SPG21: variants seen among roughly 807,000 people sequenced by gnomAD.
SPG21 encodes SPG21 abhydrolase domain containing, maspardin.
Under a neutral mutation model 38.9 loss-of-function variants are expected in SPG21, and 26 were observed. The ratio of observed to expected loss-of-function variants is 0.67; its 90% CI spans 0.49 to 0.93. SPG21 has a LOEUF of 0.93. Among genes scored for constraint, SPG21 ranks in the 40% least tolerant of loss-of-function variants. SPG21 has a pLI of 0.00. For synonymous variants in SPG21, 136 were observed against 128.9 expected (o/e 1.05, Z -0.37); for missense variants, 333 against 376.5 (o/e 0.88, Z 0.96).
At chr15:64,978,750 T>C (rs950495198) in intron 3 of SPG21, among the ~76,000 whole-genome samples, 6 of 152,296 alleles carry the variant, frequency 3.9e-5, no homozygotes, top group African/African-American at 1.4e-4. Flanking sequence ...CTTTAATTTA[T>C]AAATATCCAT....
At chr15:64,973,264 G>GGGCTTTATTTTAATAAA (rs2085707524) in intron 5 of SPG21, among the ~76,000 whole-genome samples, 4 of 152,056 alleles carry the variant, frequency 2.6e-5, no homozygotes, top group Non-Finnish European at 5.9e-5. Context: ...CATCACACCT[G>GGGCTTTATTTTAATAAA]GCCACTGGGC....
At chr15:64,988,272 C>A (rs1487146092) in intron 1 of SPG21, among the ~76,000 whole-genome samples, 1 of 152,058 alleles carries the variant, frequency 6.6e-6, no homozygotes, top group Non-Finnish European at 1.5e-5. Context: ...GTGACTATGC[C>A]CCTATCCCTC....
At chr15:64,977,885 C>T (rs932972011) in intron 3 of SPG21, among the ~76,000 whole-genome samples, 56 of 152,126 alleles carry the variant, frequency 3.7e-4, no homozygotes, top group African/African-American at 1.3e-3. Context: ...TGCAGTGGCG[C>T]GATCTCGGCT....
chr15:64,973,842 T>C (rs1409086751), intron 5 of SPG21, among the ~76,000 whole-genome samples: 5 of 152,328 alleles, frequency 3.3e-5, no homozygotes, highest in South Asian at 2.1e-4. Flanking sequence ...GCTCTATTCT[T>C]TCCATTTGGA....
At chr15:64,968,968 T>C (rs1228554835) in intron 7 of SPG21, among the ~76,000 whole-genome samples, 1 of 152,152 alleles carries the variant, frequency 6.6e-6, no homozygotes, top group Non-Finnish European at 1.5e-5. Flanking sequence ...TCCTGAACTC[T>C]TGGACTCAAG....
intron 1 of SPG21, chr15:64,987,219 T>C (rs982999737): frequency 6.6e-6 from 1 of 152,220 alleles, no homozygotes; most frequent in African/African-American, 2.4e-5. Context: ...GCCAACGTGT[T>C]AAAAGTAATC....
intron 4 of SPG21, among the ~76,000 whole-genome samples, chr15:64,976,046 G>A (rs2085765986): frequency 6.6e-6 from 1 of 152,266 alleles, no homozygotes; most frequent in African/African-American, 2.4e-5. Flanking sequence ...ACATACCTGG[G>A]AGTATACTGA....
chr15:64,980,327 G>A (rs1296604075), intron 3 of SPG21, among the ~76,000 whole-genome samples: 1 of 152,192 alleles, frequency 6.6e-6, no homozygotes, highest in Non-Finnish European at 1.5e-5. Flanking sequence ...GCATGGAGAG[G>A]CTGCCAAAAG....
intron 3 of SPG21, among the ~76,000 whole-genome samples, chr15:64,977,896 C>T (rs555655186): frequency 7.2e-5 from 11 of 152,180 alleles, no homozygotes; most frequent in African/African-American, 2.6e-4. Context: ...GATCTCGGCT[C>T]ACTGCAACCT....
chr15:64,972,157 T>C (rs1356504391), intron 5 of SPG21, among the ~76,000 whole-genome samples: 1 of 152,200 alleles, frequency 6.6e-6, no homozygotes, highest in Non-Finnish European at 1.5e-5. Flanking sequence ...AAGTTGAGCT[T>C]CCCTCAAAAG....
chr15:64,983,148 C>T (rs188177534), intron 2 of SPG21: 1 of 279,050 alleles, frequency 3.6e-6, no homozygotes, highest in South Asian at 2.9e-5. Flanking sequence ...ATCCTAGCTA[C>T]TTGGCAGGTT....
At chr15:64,984,583 G>A (rs1208230069) in intron 1 of SPG21, among the ~76,000 whole-genome samples, 1 of 152,010 alleles carries the variant, frequency 6.6e-6, no homozygotes, top group East Asian at 1.9e-4. Flanking sequence ...GAATTCCTAG[G>A]CTCAAGCAAT....
At chr15:64,976,230 G>C (rs1406655942) in intron 4 of SPG21, among the ~76,000 whole-genome samples, 1 of 152,094 alleles carries the variant, frequency 6.6e-6, no homozygotes, top group Non-Finnish European at 1.5e-5. Flanking sequence ...TTTGAGAGCA[G>C]CCTGGCCAAC....
At chr15:64,964,625 CTTTCT>C (rs375675954) in intron 8 of SPG21, among the ~76,000 whole-genome samples, 2,537 of 149,616 alleles carry the variant, frequency 0.017, 29 homozygotes, top group Admixed American at 0.024. Flanking sequence ...TTTGTTAGGG[CTTTCT>C]TTTCTTTTCT....
Position 64,976,548 on chromosome 15 carries a change from T to C in SPG21, c.233A>G (p.Tyr78Cys), listed in dbSNP as rs2085778287. Residue 78 changes from tyrosine to cysteine, a missense_variant, in exon 4 of 9, where the codon TAT (tyrosine) becomes TGT (cysteine). Coordinates refer to ENST00000204566, the MANE Select transcript of SPG21 (RefSeq NM_016630.7). ...GWGYRVIALQ[Y>C]PVYWDHLEFC... ...CTCGAGATGGTCCCAATAAACTGGATACTGCAACTGAAATAATAACGATAA... is the reference window on the plus strand; with the variant it reads ...CTCGAGATGGTCCCAATAAACTGGACACTGCAACTGAAATAATAACGATAA... 3 of 1,608,722 alleles carry C rather than the reference T, an allele frequency of 1.9e-6. No individual in the cohort carries two copies. The highest frequency in any genetic ancestry group is 1.7e-5 in the Admixed American group (1 of 59,934).
chr15:64,965,859 G>A (rs909993238), intron 7 of SPG21, among the ~76,000 whole-genome samples: 14 of 151,780 alleles, frequency 9.2e-5, no homozygotes, highest in African/African-American at 3.1e-4. Flanking sequence ...GCGCCATCAC[G>A]CCTGGCTAAT....
rs574425926 is a variant in SPG21 at position 64,976,431 on chromosome 15, TA to T, written c.306+43del. 1.7e-3 allele frequency: 2,236 copies of T among 1,339,628 alleles called. 2 individuals carry two copies. The highest frequency in any genetic ancestry group is 0.014 in the Middle Eastern group (73 of 5,302). 83.0% of individuals were successfully genotyped at this position (1,339,628 alleles called of 1,614,324 possible). A position where few individuals can be genotyped will look rare whatever the true frequency, so the allele number is the denominator to read the frequency against. ...CAGAGTGAGACTTCATCTCAAAAAA[TA>T]AAAAAAAAATTGTATGTATGTAATT... On this transcript the variant is annotated intron_variant, in intron 4 of 8. Transcript: ENST00000204566.
In SPG21 at chr15:64,972,256, C is replaced by T. The variant is rs895537902; in HGVS notation, c.453-2034G>A. Among the ~76,000 whole-genome samples, 6 of 152,260 alleles carry T rather than the reference C, an allele frequency of 3.9e-5. No homozygotes were observed. In the South Asian group the frequency reaches 6.2e-4, roughly 16 times the overall value. On this transcript the variant is annotated intron_variant, in intron 5 of 8. Transcript: ENST00000204566. ...TTTTGAAGGTGATGAGGTCTAAGTA[C>T]GCTCTGTAAGGGGTGGACCCTGTTG...
chr15:64,987,971 T>C (rs1203788342), intron 1 of SPG21, among the ~76,000 whole-genome samples: 1 of 152,112 alleles, frequency 6.6e-6, no homozygotes, highest in Non-Finnish European at 1.5e-5. Flanking sequence ...GAGGCAGAGG[T>C]TGCGGTGAGC....
Sources: allele counts gnomAD v4.1 joint callset (sites outside exome capture counted in the v4.1 genomes callset), GRCh38; gene constraint gnomAD v4.1.1; transcripts MANE v1.5; gene names NCBI Gene and HGNC (gene_info 2026-07-23, HGNC 2026-07-21).